The following ARL6IP6 variants were observed in gnomAD, a reference collection of about 807,000 sequenced individuals.
The protein encoded by ARL6IP6 is ADP-ribosylation factor-like protein 6-interacting protein 6.
In ARL6IP6, 22 loss-of-function variants were observed where a neutral mutation model predicts 21.5. That is an observed-to-expected ratio of 1.02 (90% confidence interval 0.73 to 1.46). ARL6IP6 has a LOEUF of 1.46. Ranked by LOEUF, ARL6IP6 falls within the 40% of genes most tolerant of loss-of-function variation. The probability of loss-of-function intolerance (pLI) is 0.00; values close to 1 mark genes in which losing one functional copy is unlikely to be tolerated. For missense variants in ARL6IP6, 388 were observed against 299.8 expected (o/e 1.29, Z -2.17); for synonymous variants, 164 against 125.3 (o/e 1.31, Z -2.06).
chr2:152,724,604 C>T (rs528789499), intron 2 of ARL6IP6, among the ~76,000 whole-genome samples: 3 of 152,158 alleles, frequency 2.0e-5, no homozygotes, highest in African/African-American at 7.2e-5. Flanking sequence ...ACATTAGGAC[C>T]CCTAAATCTC....
chr2:152,755,283 T>G (rs994619327), intron 3 of ARL6IP6, among the ~76,000 whole-genome samples: 6 of 152,130 alleles, frequency 3.9e-5, no homozygotes, highest in Non-Finnish European at 5.9e-5. Context: ...CACCTGCTAC[T>G]TAGCAGACCG....
chr2:152,728,933 C>T (rs1471780487), intron 2 of ARL6IP6, among the ~76,000 whole-genome samples: 1 of 151,942 alleles, frequency 6.6e-6, no homozygotes, highest in African/African-American at 2.4e-5. Context: ...GTGGTGCACA[C>T]CTGTAGTCCA....
At position 152,733,614 on chromosome 2, in the gene ARL6IP6, T is replaced by C. The variant is rs562154835; in HGVS notation, c.455-1380T>C. ...CACCGTTTTAGGTATTCAGTTCCTA[T>C]ACTATTTCAATATTTGGTTGGACTA... On this transcript the variant is annotated intron_variant, in intron 2 of 3. Coordinates refer to ENST00000326446, the MANE Select transcript of ARL6IP6 (RefSeq NM_152522.7). Among the ~76,000 whole-genome samples, 98 of 152,318 alleles carry C rather than the reference T, an allele frequency of 6.4e-4. 2 individuals carry two copies. Among genetic ancestry groups the C allele is most frequent in the African/African-American group, 2.3e-3 (95 of 41,576 alleles).
At chr2:152,750,615 C>G (rs1185569566) in intron 3 of ARL6IP6, among the ~76,000 whole-genome samples, 1 of 142,222 alleles carries the variant, frequency 7.0e-6, no homozygotes, top group Non-Finnish European at 1.5e-5. Flanking sequence ...AGTTGGAGTT[C>G]CACTTCTGGT....
Position 152,725,997 on chromosome 2 carries a change from A to G in ARL6IP6, c.454+5411A>G, listed in dbSNP as rs188575168. 7.9e-5 allele frequency among the ~76,000 whole-genome samples: 12 copies of G among 152,354 alleles called. No individual in the cohort carries two copies. The East Asian group carries it at 1.9e-3, about 24-fold the overall frequency. On this transcript the variant is annotated intron_variant, in intron 2 of 3. Coordinates refer to ENST00000326446, the MANE Select transcript of ARL6IP6 (RefSeq NM_152522.7). ...TATTGATGACTGTTTTCCCTGTTAT[A>G]CTGAAGATTACAAGCTTCAGAGGAG...
chr2:152,718,945 G>T lies in ARL6IP6; in HGVS notation c.321G>T (p.Gln107His). 3.7e-6 allele frequency: 6 copies of T among 1,613,282 alleles called. No homozygotes were observed. Among genetic ancestry groups the T allele is most frequent in the Non-Finnish European group, 5.1e-6 (6 of 1,179,614 alleles). The change falls in exon 1 of 4, where the codon CAG becomes CAT. Residue 107 changes from glutamine to histidine, a missense_variant. Transcript: ENST00000326446. ...CCCAGCCTCGGCGGTGGCCGGTCCA[G>T]GTCCTCTCTATTCTCTGCTCGCTGC... ...SRAQPRRWPV[Q>H]VLSILCSLLF...
Position 152,759,725 on chromosome 2 carries a change from TTG to T in ARL6IP6, c.588-18_588-17del, listed in dbSNP as rs562060847. 1.2e-4 allele frequency: 188 copies of T among 1,593,358 alleles called. No individual in the cohort carries two copies. The African/African-American group carries it at 2.2e-3, about 19-fold the overall frequency. On this transcript the variant is annotated intron_variant, in intron 3 of 3. Coordinates refer to ENST00000326446, the MANE Select transcript of ARL6IP6 (RefSeq NM_152522.7). ...CCACGTTACATTTTTCTTTTTTGAT[TTG>T]TGTTTTTCTTTTTTTCTAGGAAACT...
At chr2:152,751,031 A>G (rs995897015) in intron 3 of ARL6IP6, among the ~76,000 whole-genome samples, 2 of 152,208 alleles carry the variant, frequency 1.3e-5, no homozygotes, top group African/African-American at 4.8e-5. Context: ...TGATGTTGCC[A>G]TGAAACCGTG....
chr2:152,761,769 A>T lies in ARL6IP6; in HGVS notation c.*1929A>T, dbSNP rs1178766723. 2.0e-5 allele frequency among the ~76,000 whole-genome samples: 3 copies of T among 152,190 alleles called. No homozygotes were observed. The highest frequency in any genetic ancestry group is 2.9e-5 in the Non-Finnish European group (2 of 68,030). The stretch of plus-strand genomic sequence containing the variant: ...GTCTAGGAGCAATAAGCTATACCAT[A>T]TAGCCTAGGTGTGTAGTAGGCTATA... On this transcript the variant is annotated 3_prime_UTR_variant, in exon 4 of 4. Transcript: ENST00000326446.
chr2:152,738,340 A>G (rs1424989376), intron 3 of ARL6IP6, among the ~76,000 whole-genome samples: 1 of 151,984 alleles, frequency 6.6e-6, no homozygotes, highest in Admixed American at 6.6e-5. Flanking sequence ...TACTGTTCTG[A>G]TGGCCCTCTT....
intron 3 of ARL6IP6, among the ~76,000 whole-genome samples, chr2:152,735,694 T>C (rs1288296919): frequency 6.6e-6 from 1 of 152,182 alleles, no homozygotes; most frequent in Non-Finnish European, 1.5e-5. Flanking sequence ...AGTTTATTCA[T>C]GCCAGGAAAG....
intron 3 of ARL6IP6, among the ~76,000 whole-genome samples, chr2:152,743,565 C>T (rs900051511): frequency 1.3e-5 from 2 of 152,024 alleles, no homozygotes; most frequent in African/African-American, 2.4e-5. Context: ...GGCAAGCGCC[C>T]CTAGCATGTA....
At chr2:152,745,118 C>T (rs1400543063) in intron 3 of ARL6IP6, among the ~76,000 whole-genome samples, 1 of 152,112 alleles carries the variant, frequency 6.6e-6, no homozygotes, top group African/African-American at 2.4e-5. Flanking sequence ...CTGGAACATT[C>T]AGGATTCAGT....
At position 152,735,116 on chromosome 2, in the gene ARL6IP6, G is replaced by A. The variant is rs764592567; in HGVS notation, c.577G>A (p.Ala193Thr). The A allele has an allele frequency of 4.3e-6, 7 of 1,613,370 alleles. No individual in the cohort carries two copies. The East Asian group carries it at 1.3e-4, about 31-fold the overall frequency. The change falls in exon 3 of 4, where the codon GCC becomes ACC. Residue 193 changes from alanine to threonine, a missense_variant. By Grantham distance (58) the Ala-to-Thr change is moderately conservative. Coordinates refer to ENST00000326446, the MANE Select transcript of ARL6IP6 (RefSeq NM_152522.7). ...GMFPPTPLSP[A>T]RFKKLTGHSF... ...GTTTCCTCCTACTCCTCTTTCACCT[G>A]CCAGGTTCAAGTAAGTATTCCTGTT... is the stretch of plus-strand genomic sequence containing the variant.
intron 3 of ARL6IP6, among the ~76,000 whole-genome samples, chr2:152,736,616 C>T (rs2105133787): frequency 6.6e-6 from 1 of 152,292 alleles, no homozygotes; most frequent in South Asian, 2.1e-4. Flanking sequence ...GACTTCTTGG[C>T]CTTCTGTCCT....
At chr2:152,734,844 A>G in intron 2 of ARL6IP6, 150 bp from the exon 3 acceptor site, 1 of 731,084 alleles carries the variant, frequency 1.4e-6, no homozygotes. Flanking sequence ...TACATAAGTT[A>G]GCTTGCAATA....
At chr2:152,726,313 G>C (rs1424532508) in intron 2 of ARL6IP6, among the ~76,000 whole-genome samples, 1 of 152,128 alleles carries the variant, frequency 6.6e-6, no homozygotes, top group Non-Finnish European at 1.5e-5. Context: ...GCAGGTGGTC[G>C]GGCGATTGGG....
chr2:152,719,993 C>T (rs1456702108), intron 1 of ARL6IP6: 1 of 458,990 alleles, frequency 2.2e-6, no homozygotes, highest in Non-Finnish European at 4.5e-6. Context: ...GGTTTTACCT[C>T]TTCATAAAAT....
At chr2:152,743,104 A>G (rs1172768250) in intron 3 of ARL6IP6, among the ~76,000 whole-genome samples, 2 of 3,996 alleles carry the variant, frequency 5.0e-4, no homozygotes, top group Non-Finnish European at 1.4e-3. Context: ...AAATCAAAAG[A>G]CTTTCTCTGT....
Sources: gnomAD v4.1 joint callset for allele counts (sites outside exome capture counted in the v4.1 genomes callset) on GRCh38, gnomAD v4.1.1 for gene constraint, MANE v1.5 for transcripts, NCBI Gene and HGNC (gene_info 2026-07-23, HGNC 2026-07-21) for gene names.